Variants in NOL4 observed in about 807,000 individuals in gnomAD.
NOL4 encodes cancer/testis antigen 125.
A neutral mutation model predicts 75.9 loss-of-function variants in NOL4; 17 were observed. The ratio of observed to expected loss-of-function variants is 0.22; its 90% CI spans 0.15 to 0.34. The LOEUF (loss-of-function observed/expected upper bound fraction) is 0.34. Ranked by LOEUF, NOL4 falls within the 10% of genes least tolerant of loss-of-function variation. The probability of loss-of-function intolerance (pLI) is 1.00; values close to 1 mark genes in which losing one functional copy is unlikely to be tolerated. For missense variants in NOL4, 614 were observed against 793.5 expected (o/e 0.77, Z 2.72); for synonymous variants, 292 against 289.9 (o/e 1.01, Z -0.07).
chr18:34,136,516 CA>C (rs1427833903), intron 1 of NOL4, among the ~76,000 whole-genome samples: 1 of 151,832 alleles, frequency 6.6e-6, no homozygotes, highest in Non-Finnish European at 1.5e-5. Context: ...TATTAAAAAT[CA>C]ATTGTAGTTT....
At chr18:33,902,911 T>C (rs2065826342) in intron 9 of NOL4, among the ~76,000 whole-genome samples, 1 of 151,774 alleles carries the variant, frequency 6.6e-6, no homozygotes, top group South Asian at 2.1e-4. Context: ...TCTGTATTGC[T>C]TTTAAAGTTT....
At chr18:33,876,618 A>G (rs2063945050) in intron 10 of NOL4, among the ~76,000 whole-genome samples, 1 of 152,092 alleles carries the variant, frequency 6.6e-6, no homozygotes, top group African/African-American at 2.4e-5. Context: ...CAAAACTGTT[A>G]CAGGGAATGA....
At chr18:33,975,265 T>A (rs1184133478) in intron 6 of NOL4, among the ~76,000 whole-genome samples, 1 of 152,234 alleles carries the variant, frequency 6.6e-6, no homozygotes, top group Non-Finnish European at 1.5e-5. Context: ...TGAATGTAGT[T>A]AACTGTACAC....
chr18:34,116,810 A>G (rs2079882135), intron 2 of NOL4, among the ~76,000 whole-genome samples: 1 of 152,220 alleles, frequency 6.6e-6, no homozygotes, highest in Non-Finnish European at 1.5e-5. Context: ...AATTAAGAGA[A>G]AAAAATAACG....
intron 9 of NOL4, among the ~76,000 whole-genome samples, chr18:33,938,182 C>T (rs1446262523): frequency 1.3e-5 from 2 of 152,044 alleles, no homozygotes; most frequent in Non-Finnish European, 2.9e-5. Flanking sequence ...TTCCACCTCT[C>T]TGGGCCGCAG....
At chr18:34,134,747 G>GA (rs910050663) in intron 1 of NOL4, among the ~76,000 whole-genome samples, 2 of 152,058 alleles carry the variant, frequency 1.3e-5, no homozygotes, top group Non-Finnish European at 2.9e-5. Flanking sequence ...TTAAGGGATT[G>GA]AAAATATATT....
intron 8 of NOL4, among the ~76,000 whole-genome samples, chr18:33,945,051 A>G (rs564463451): frequency 1.1e-4 from 17 of 152,056 alleles, no homozygotes; most frequent in African/African-American, 4.1e-4. Context: ...ATCAAAAAAT[A>G]AAACAAATTA....
chr18:34,045,210 G>A (rs1259289319), intron 5 of NOL4, among the ~76,000 whole-genome samples: 3 of 152,078 alleles, frequency 2.0e-5, no homozygotes, highest in Admixed American at 6.5e-5. Context: ...ACTGCCTGCC[G>A]TGAGCCTGGG....
intron 5 of NOL4, among the ~76,000 whole-genome samples, chr18:34,082,437 G>A (rs568144974): frequency 2.2e-4 from 34 of 152,074 alleles, no homozygotes; most frequent in Admixed American, 1.4e-3. Context: ...CTCAAACAGC[G>A]CCTAGCGTTC....
At chr18:34,129,815 A>G (rs74933173) in intron 2 of NOL4, 56 bp downstream of exon 2, 51,104 of 1,460,744 alleles carry the variant, frequency 0.035, 1,003 homozygotes, top group African/African-American at 0.055. Flanking sequence ...TTAAACAAGG[A>G]TACATAATAT....
chr18:34,082,009 T>C (rs754902978), intron 5 of NOL4, among the ~76,000 whole-genome samples: 2 of 152,130 alleles, frequency 1.3e-5, no homozygotes, highest in Non-Finnish European at 2.9e-5. Flanking sequence ...AGAGGATACA[T>C]GCATGATAAT....
In NOL4 at chr18:33,856,746, G is replaced by C. The variant is rs73414318; in HGVS notation, c.1724-3711C>G. On this transcript the variant is annotated intron_variant, in intron 10 of 10. Coordinates refer to ENST00000261592, the MANE Select transcript of NOL4 (RefSeq NM_003787.5). ...TTTAGTCATCTTAAGCCATGAGGCA[G>C]AATTGCAGATATTAATAATATGCAG... Among the ~76,000 whole-genome samples the C allele has an allele frequency of 5.9e-3, 898 of 152,172 alleles. 11 individuals carry two copies. The highest frequency in any genetic ancestry group is 0.02 in the African/African-American group (848 of 41,552).
intron 1 of NOL4, among the ~76,000 whole-genome samples, chr18:34,154,441 A>C (rs1299223503): frequency 6.6e-6 from 1 of 151,992 alleles, no homozygotes; most frequent in Non-Finnish European, 1.5e-5. Flanking sequence ...TTAGCTTCTC[A>C]ACATAGACTC....
At chr18:34,048,478 G>A (rs1192400870) in intron 5 of NOL4, 2 of 985,228 alleles carry the variant, frequency 2.0e-6, no homozygotes, top group African/African-American at 1.7e-5. Flanking sequence ...AATGTCTGTG[G>A]CAGGCCAATT....
At chr18:34,065,156 G>A (rs1358526268) in intron 5 of NOL4, among the ~76,000 whole-genome samples, 1 of 151,850 alleles carries the variant, frequency 6.6e-6, no homozygotes, top group Non-Finnish European at 1.5e-5. Context: ...TTAGAAACTA[G>A]CATAGAAATC....
chr18:34,003,555 T>C (rs1029707076), intron 6 of NOL4, among the ~76,000 whole-genome samples: 4 of 152,120 alleles, frequency 2.6e-5, no homozygotes, highest in Admixed American at 1.3e-4. Context: ...GAAATCTTTT[T>C]CTTATTAATT....
intron 6 of NOL4, among the ~76,000 whole-genome samples, chr18:33,978,503 G>A (rs1002702787): frequency 6.6e-6 from 1 of 152,014 alleles, no homozygotes; most frequent in African/African-American, 2.4e-5. Context: ...AAGCTTCCTT[G>A]AGAACTTATG....
chr18:34,063,497 A>G (rs1054211808), intron 5 of NOL4, among the ~76,000 whole-genome samples: 1 of 152,082 alleles, frequency 6.6e-6, no homozygotes, highest in African/African-American at 2.4e-5. Context: ...AAATTTTACA[A>G]TCTCTGACAA....
chr18:34,125,508 A>C (rs571601567), intron 2 of NOL4, among the ~76,000 whole-genome samples: 1 of 152,338 alleles, frequency 6.6e-6, no homozygotes, highest in African/African-American at 2.4e-5. Flanking sequence ...AACTAGCAGA[A>C]ACTGGTGCAA....
Sources: gnomAD v4.1 joint callset for allele counts (sites outside exome capture counted in the v4.1 genomes callset) on GRCh38, gnomAD v4.1.1 for gene constraint, MANE v1.5 for transcripts, NCBI Gene and HGNC (gene_info 2026-07-23, HGNC 2026-07-21) for gene names.